The following NAA15 variants were observed in gnomAD, a reference collection of about 807,000 sequenced individuals.
The protein encoded by NAA15 is N-terminal acetyltransferase.
NAA15 carries 34 observed loss-of-function variants against 114.0 expected under a neutral mutation model. The observed-to-expected ratio is 0.30, with a 90% confidence interval of 0.23 to 0.40. The LOEUF (loss-of-function observed/expected upper bound fraction) is 0.40, where lower values mean the gene tolerates loss of function less well. NAA15 is among the 10% of genes least tolerant of loss of function. The pLI is 1.00. For missense variants in NAA15, 658 were observed against 1,004.5 expected (o/e 0.66, Z 4.66); for synonymous variants, 340 against 338.0 (o/e 1.01, Z -0.06).
intron 1 of NAA15, among the ~76,000 whole-genome samples, chr4:139,306,686 C>G (rs895681419): frequency 2.6e-5 from 4 of 151,776 alleles, no homozygotes; most frequent in African/African-American, 4.8e-5. Context: ...AAATTGTGGC[C>G]TTTGCCTACT....
At chr4:139,366,133 T>C (rs1748276347) in intron 14 of NAA15, among the ~76,000 whole-genome samples, 1 of 152,178 alleles carries the variant, frequency 6.6e-6, no homozygotes, top group South Asian at 2.1e-4. Context: ...TGCTGCATCA[T>C]AAATTAATCC....
At chr4:139,302,958 T>C (rs1423702498) in intron 1 of NAA15, among the ~76,000 whole-genome samples, 1 of 152,252 alleles carries the variant, frequency 6.6e-6, no homozygotes, top group Non-Finnish European at 1.5e-5. Flanking sequence ...CTTTTAAAAT[T>C]TGGGATGTGT....
intron 3 of NAA15, 61 bp from the exon 4 acceptor site, chr4:139,340,851 G>T: frequency 7.5e-7 from 1 of 1,335,606 alleles, no homozygotes; most frequent in Non-Finnish European, 9.9e-7. Context: ...AAGTTTTTTG[G>T]GAGGTCGTTT....
intron 1 of NAA15, among the ~76,000 whole-genome samples, chr4:139,317,393 G>A (rs1281338294): frequency 1.3e-5 from 2 of 152,154 alleles, no homozygotes; most frequent in Admixed American, 1.3e-4. Flanking sequence ...GGCGGCCGAG[G>A]CGGGTAGATC....
At chr4:139,385,012 A>G in intron 18 of NAA15, 34 bp downstream of exon 18, 2 of 1,440,562 alleles carry the variant, frequency 1.4e-6, no homozygotes, top group Non-Finnish European at 1.8e-6. Flanking sequence ...GCCTTCTAAA[A>G]CAACTTCAGT....
chr4:139,384,646 C>G (rs1404109483), intron 17 of NAA15, among the ~76,000 whole-genome samples, 186 bp from the exon 18 acceptor site: 2 of 151,354 alleles, frequency 1.3e-5, no homozygotes, highest in African/African-American at 4.9e-5. Context: ...TCCCAGCTAC[C>G]TGGGGGGCTG....
At chr4:139,329,243 C>G (rs955779942) in intron 1 of NAA15, among the ~76,000 whole-genome samples, 2 of 151,946 alleles carry the variant, frequency 1.3e-5, no homozygotes, top group Non-Finnish European at 2.9e-5. Flanking sequence ...TTTCATTTTC[C>G]TCTTCATTTG....
At chr4:139,379,023 A>G (rs1748667359) in intron 17 of NAA15, 169 bp downstream of exon 17, 1 of 460,484 alleles carries the variant, frequency 2.2e-6, no homozygotes, top group Admixed American at 4.3e-5. Flanking sequence ...TTTTTATTTT[A>G]AGGATACAAG....
chr4:139,351,263 G>T lies in NAA15; in HGVS notation c.884G>T (p.Arg295Met), dbSNP rs1169960242. ...TATCCCAGGGGACTGGTGCCAAGAA[G>T]GCTGCCGTTAAACTTTTTATCTGGT... ...TKYPRGLVPR[R>M]LPLNFLSGEK... Residue 295 changes from arginine to methionine, a missense_variant, in exon 8 of 20, where the codon AGG (arginine) becomes ATG (methionine). By Grantham distance (91) the Arg-to-Met change is moderately conservative (BLOSUM62 -1). Transcript: ENST00000296543. 3 of 1,608,530 alleles carry T rather than the reference G, an allele frequency of 1.9e-6. No homozygotes were observed. The African/African-American group carries it at 4.0e-5, about 22-fold the overall frequency.
chr4:139,329,157 C>T (rs1037821256), intron 1 of NAA15, among the ~76,000 whole-genome samples: 2 of 151,730 alleles, frequency 1.3e-5, no homozygotes, highest in Admixed American at 1.3e-4. Flanking sequence ...GCTGAGATTA[C>T]AGGCATGAGC....
intron 3 of NAA15, among the ~76,000 whole-genome samples, chr4:139,339,565 A>G (rs758463650): frequency 1.3e-5 from 2 of 152,098 alleles, no homozygotes; most frequent in East Asian, 3.9e-4. Context: ...CCTGGCCAAC[A>G]TGGTGAAACC....
At chr4:139,314,255 A>G (rs1746309508) in intron 1 of NAA15, among the ~76,000 whole-genome samples, 1 of 151,804 alleles carries the variant, frequency 6.6e-6, no homozygotes, top group African/African-American at 2.4e-5. Flanking sequence ...CTCACAACAT[A>G]CAAGGGGATC....
chr4:139,304,626 A>T (rs1231848826), intron 1 of NAA15, among the ~76,000 whole-genome samples: 2 of 152,240 alleles, frequency 1.3e-5, no homozygotes, highest in East Asian at 3.8e-4. Context: ...GTTATACTGT[A>T]TTTTAAAAAT....
intron 4 of NAA15, among the ~76,000 whole-genome samples, chr4:139,341,568 T>G (rs1308932250): frequency 5.9e-5 from 6 of 101,286 alleles, no homozygotes; most frequent in Non-Finnish European, 1.1e-4. Context: ...CACTCCGGCC[T>G]GGGTAACAGA....
chr4:139,338,917 A>G (rs997240172), intron 3 of NAA15, among the ~76,000 whole-genome samples: 3 of 149,862 alleles, frequency 2.0e-5, no homozygotes, highest in African/African-American at 7.4e-5. Context: ...TTCAGGTAAT[A>G]CTCCTGTCTC....
chr4:139,341,840 G>T (rs1169465428), intron 4 of NAA15, among the ~76,000 whole-genome samples: 1 of 151,598 alleles, frequency 6.6e-6, no homozygotes, highest in Non-Finnish European at 1.5e-5. Flanking sequence ...TCATGCCTCA[G>T]CCTCCTGAGT....
chr4:139,346,611 C>A lies in NAA15; in HGVS notation c.691+2272C>A, dbSNP rs551406153. ...TGTTTCTCAGGCTGGAGTGCAGTGGCGCGATCTTGGCTCGCCGCAACCTCC... is the reference window on the plus strand; with the variant it reads ...TGTTTCTCAGGCTGGAGTGCAGTGGAGCGATCTTGGCTCGCCGCAACCTCC... On this transcript the variant is annotated intron_variant, in intron 6 of 19. Coordinates refer to ENST00000296543, the MANE Select transcript of NAA15 (RefSeq NM_057175.5). Among the ~76,000 whole-genome samples the A allele has an allele frequency of 4.6e-4, 70 of 151,292 alleles. 2 individuals carry two copies. The highest frequency in any genetic ancestry group is 1.7e-3 in the African/African-American group (70 of 41,116).
intron 1 of NAA15, among the ~76,000 whole-genome samples, chr4:139,328,287 A>G (rs988683963): frequency 2.6e-5 from 4 of 151,904 alleles, no homozygotes; most frequent in Non-Finnish European, 5.9e-5. Flanking sequence ...GCTAACTTCA[A>G]TCTCCACCTC....
intron 1 of NAA15, among the ~76,000 whole-genome samples, chr4:139,309,815 A>T (rs1441606742): frequency 6.6e-6 from 1 of 152,224 alleles, no homozygotes; most frequent in Non-Finnish European, 1.5e-5. Flanking sequence ...GGACAACACT[A>T]TATTTTCAGA....
Sources: gnomAD v4.1 joint callset for allele counts (sites outside exome capture counted in the v4.1 genomes callset) on GRCh38, gnomAD v4.1.1 for gene constraint, MANE v1.5 for transcripts, NCBI Gene and HGNC (gene_info 2026-07-23, HGNC 2026-07-21) for gene names.